The following PVR variants were observed in gnomAD, a reference collection of about 807,000 sequenced individuals.
The protein encoded by PVR is poliovirus receptor.
In PVR, 39 loss-of-function variants were observed where a neutral mutation model predicts 43.3. That is an observed-to-expected ratio of 0.90 (90% CI 0.70 to 1.18). PVR has a LOEUF of 1.18. Among genes scored for constraint, PVR ranks in the 50% most tolerant of loss-of-function variants. PVR has a pLI of 0.00. For missense variants in PVR, 480 were observed against 549.7 expected (o/e 0.87, Z 1.27); for synonymous variants, 224 against 233.2 (o/e 0.96, Z 0.36).
chr19:44,644,054 G>C lies in PVR; in HGVS notation c.-43G>C. ...GCAGAGCGAGCGGGCGCCGGGAAGC[G>C]AGGAGACGCCCGCGGGAGGCCCAGC... On this transcript the variant is annotated 5_prime_UTR_variant, in exon 1 of 8. Transcript: ENST00000425690. 2 of 1,484,164 alleles carry C rather than the reference G, an allele frequency of 1.3e-6. No homozygotes were observed. Among genetic ancestry groups the C allele is most frequent in the Non-Finnish European group, 1.8e-6 (2 of 1,118,034 alleles). The allele number at this position is 1,484,164 out of a possible 1,614,324, so 91.9% of individuals were successfully genotyped here.
intron 4 of PVR, among the ~76,000 whole-genome samples, chr19:44,654,937 C>T (rs1973399210): frequency 6.6e-6 from 1 of 152,092 alleles, no homozygotes; most frequent in Non-Finnish European, 1.5e-5. Context: ...CTATATATCC[C>T]CATTGTCTAG....
intron 3 of PVR, among the ~76,000 whole-genome samples, chr19:44,650,561 C>CTTTT (rs869225120): frequency 2.2e-5 from 3 of 135,526 alleles, no homozygotes; most frequent in Admixed American, 7.5e-5. Flanking sequence ...TCTTTCTTTC[C>CTTTT]TTTTTTTTTT....
chr19:44,651,883 C>T (rs1439858984), intron 3 of PVR, among the ~76,000 whole-genome samples: 8 of 152,326 alleles, frequency 5.3e-5, no homozygotes, highest in South Asian at 2.1e-4. Flanking sequence ...AGGCCAGGCA[C>T]GGTGGCTCAC....
chr19:44,652,629 A>G (rs908698118), intron 3 of PVR, among the ~76,000 whole-genome samples: 1 of 151,734 alleles, frequency 6.6e-6, no homozygotes, highest in African/African-American at 2.4e-5. Flanking sequence ...TGATCCACCC[A>G]CCTTGGCCTC....
At chr19:44,648,275 G>A (rs372503663) in intron 2 of PVR, among the ~76,000 whole-genome samples, 12 of 152,180 alleles carry the variant, frequency 7.9e-5, no homozygotes, top group African/African-American at 1.2e-4. Context: ...TAGAGCTGTC[G>A]GTTACTGTTA....
In PVR at chr19:44,654,031, C is replaced by T. The variant is rs201011912; in HGVS notation, c.842+14C>T. 205 of 1,588,460 alleles carry T rather than the reference C, an allele frequency of 1.3e-4. No homozygotes were observed. The African/African-American group carries it at 2.2e-3, about 17-fold the overall frequency. On this transcript the variant is annotated intron_variant, in intron 4 of 7. Coordinates refer to ENST00000425690, the MANE Select transcript of PVR (RefSeq NM_006505.5). Reference sequence around the variant, plus strand: ...TAATTGGAGCACGTGAGTCCTGGGTCTCAGGGAGGAGGGGCTGGGGGTCTG... The same window carrying T: ...TAATTGGAGCACGTGAGTCCTGGGTTTCAGGGAGGAGGGGCTGGGGGTCTG...
intron 1 of PVR, among the ~76,000 whole-genome samples, chr19:44,644,638 G>A (rs974166420): frequency 6.6e-6 from 1 of 151,984 alleles, no homozygotes; most frequent in African/African-American, 2.4e-5. Flanking sequence ...GAGGAGGACA[G>A]TGGGTGACAC....
At chr19:44,645,057 T>C (rs866048920) in intron 1 of PVR, among the ~76,000 whole-genome samples, 81 of 109,374 alleles carry the variant, frequency 7.4e-4, no homozygotes, top group African/African-American at 2.8e-3. Flanking sequence ...AAATATATAA[T>C]ATATATTATA....
chr19:44,656,188 G>C (rs922335350), intron 4 of PVR, among the ~76,000 whole-genome samples: 1 of 152,080 alleles, frequency 6.6e-6, no homozygotes, highest in African/African-American at 2.4e-5. Flanking sequence ...GGCAGGGAAG[G>C]GATTCCAACA....
chr19:44,657,095 G>A (rs886710228), intron 4 of PVR, among the ~76,000 whole-genome samples: 1 of 152,118 alleles, frequency 6.6e-6, no homozygotes, highest in Non-Finnish European at 1.5e-5. Context: ...TGAAGGAGAT[G>A]AGGGTGAGCT....
chr19:44,660,668 G>A (rs948337486), intron 6 of PVR, among the ~76,000 whole-genome samples: 11 of 152,118 alleles, frequency 7.2e-5, no homozygotes, highest in Admixed American at 1.3e-4. Context: ...GATTATAGGC[G>A]TGCACTCCCA....
intron 5 of PVR, among the ~76,000 whole-genome samples, chr19:44,658,155 C>G (rs1568505424): frequency 6.6e-6 from 1 of 152,298 alleles, no homozygotes; most frequent in East Asian, 1.9e-4. Context: ...CTCAGGGACT[C>G]AGGCCTTTCC....
intron 2 of PVR, among the ~76,000 whole-genome samples, chr19:44,648,847 AAAACAG>A (rs1007876357): frequency 2.0e-5 from 3 of 152,212 alleles, no homozygotes; most frequent in African/African-American, 7.2e-5. Flanking sequence ...GGATGAGGGT[AAAACAG>A]AAACAGTGAG....
chr19:44,647,364 G>T lies in PVR; in HGVS notation c.221G>T (p.Ser74Ile). The stretch of plus-strand genomic sequence containing the variant: ...TGGGCGCGGCATGGTGAATCTGGCA[G>T]CATGGCCGTCTTCCACCAAACGCAG... ...LTWARHGESGSMAVFHQTQGP... is the reference protein window; with the variant it reads ...LTWARHGESGIMAVFHQTQGP... The change falls in exon 2 of 8, where the codon AGC (serine) becomes ATC (isoleucine). Residue 74 changes from serine (S) to isoleucine (I), a missense_variant. Coordinates refer to ENST00000425690, the MANE Select transcript of PVR (RefSeq NM_006505.5). The T allele has an allele frequency of 2.5e-6, 4 of 1,613,794 alleles. No individual in the cohort carries two copies. Among genetic ancestry groups the T allele is most frequent in the Non-Finnish European group, 3.4e-6 (4 of 1,179,886 alleles).
intron 3 of PVR, among the ~76,000 whole-genome samples, chr19:44,652,178 G>A (rs959058957): frequency 1.3e-5 from 2 of 152,032 alleles, no homozygotes; most frequent in African/African-American, 4.8e-5. Flanking sequence ...AGAAAGAGAT[G>A]AAATTTATTT....
At chr19:44,657,621 G>A in intron 4 of PVR, 141 bp from the exon 5 acceptor site, 1 of 737,718 alleles carries the variant, frequency 1.4e-6, no homozygotes, top group Non-Finnish European at 2.2e-6. Context: ...GAGAGGAAGG[G>A]AAGAGTTGGG....
chr19:44,650,089 G>A lies in PVR; in HGVS notation c.708G>A (p.Val236=), dbSNP rs1457515246. 2 of 1,536,662 alleles carry A rather than the reference G, an allele frequency of 1.3e-6. No homozygotes were observed. Among genetic ancestry groups the A allele is most frequent in the Admixed American group, 4.0e-5 (2 of 49,388 alleles). Residue 236 remains valine, a synonymous_variant, in exon 3 of 8, where the codon GTG becomes GTA. Transcript: ENST00000425690. Reference sequence around the variant, plus strand: ...TTGAGAAGCCTCAGCTGCTGACTGTGAACCTCACCGTGTACTGTGAGTGTG... The same window carrying A: ...TTGAGAAGCCTCAGCTGCTGACTGTAAACCTCACCGTGTACTGTGAGTGTG... ...ESFEKPQLLT[V]NLTVYYPPEV...
At chr19:44,645,211 AT>A (rs1352299879) in intron 1 of PVR, among the ~76,000 whole-genome samples, 2 of 88,308 alleles carry the variant, frequency 2.3e-5, no homozygotes, top group East Asian at 5.5e-4. Context: ...TGTATATTAT[AT>A]ATTATATATA....
chr19:44,659,821 T>C (rs932769769), intron 6 of PVR, among the ~76,000 whole-genome samples: 10 of 152,162 alleles, frequency 6.6e-5, no homozygotes, highest in Non-Finnish European at 1.5e-4. Flanking sequence ...CCCAGCAAAG[T>C]GGTTCTCCCG....
Sources: allele counts gnomAD v4.1 joint callset (sites outside exome capture counted in the v4.1 genomes callset), GRCh38; gene constraint gnomAD v4.1.1; transcripts MANE v1.5; gene names NCBI Gene and HGNC (gene_info 2026-07-23, HGNC 2026-07-21).